PTPRR: variants seen among roughly 807,000 people sequenced by gnomAD.
The protein encoded by PTPRR is receptor-type tyrosine-protein phosphatase R.
PTPRR carries 38 observed loss-of-function variants against 77.2 expected under a neutral mutation model. That is an observed-to-expected ratio of 0.49 (90% CI 0.38 to 0.65). The LOEUF is 0.65. Among genes scored for constraint, PTPRR ranks in the 30% least tolerant of loss-of-function variants. PTPRR has a pLI of 0.00. For synonymous variants in PTPRR, 299 were observed against 283.1 expected (o/e 1.06, Z -0.57); for missense variants, 744 against 799.2 (o/e 0.93, Z 0.83).
chr12:70,694,729 G>T (rs181520071), intron 8 of PTPRR, among the ~76,000 whole-genome samples: 1 of 152,074 alleles, frequency 6.6e-6, no homozygotes, highest in Non-Finnish European at 1.5e-5. Flanking sequence ...GTGTCATGCC[G>T]TCAGAAGAAG....
At chr12:70,769,364 T>C (rs974467986) in intron 2 of PTPRR, among the ~76,000 whole-genome samples, 15 of 151,638 alleles carry the variant, frequency 9.9e-5, no homozygotes, top group South Asian at 4.2e-4. Flanking sequence ...TATACACCAA[T>C]AACAGACAAA....
intron 2 of PTPRR, among the ~76,000 whole-genome samples, chr12:70,837,493 AC>A (rs1351434017): frequency 6.6e-6 from 1 of 152,142 alleles, no homozygotes; most frequent in Non-Finnish European, 1.5e-5. Flanking sequence ...GTTGTCCTCC[AC>A]ACATCAAGCA....
chr12:70,894,285 A>T (rs2137118880), intron 1 of PTPRR, among the ~76,000 whole-genome samples: 1 of 151,858 alleles, frequency 6.6e-6, no homozygotes, highest in East Asian at 1.9e-4. Flanking sequence ...ACATGCCCAA[A>T]TTCAATAGAA....
chr12:70,834,886 G>C (rs866090833), intron 2 of PTPRR, among the ~76,000 whole-genome samples: 1 of 152,118 alleles, frequency 6.6e-6, no homozygotes, highest in South Asian at 2.1e-4. Context: ...GATGCTCAAA[G>C]TTACATTAGA....
chr12:70,883,540 A>C (rs1431664925), intron 2 of PTPRR, among the ~76,000 whole-genome samples: 1 of 152,156 alleles, frequency 6.6e-6, no homozygotes, highest in Non-Finnish European at 1.5e-5. Context: ...TTTAACCTGC[A>C]GATAATTTCT....
chr12:70,804,072 C>T (rs1447015898), intron 2 of PTPRR, among the ~76,000 whole-genome samples: 1 of 148,678 alleles, frequency 6.7e-6, no homozygotes, highest in African/African-American at 2.5e-5. Context: ...TTTGCATGAC[C>T]CTGAGAGTGA....
At position 70,639,133 on chromosome 12, in the gene PTPRR, A is replaced by G. The variant is rs376215111; in HGVS notation, c.*51T>C. 1.1e-4 allele frequency: 165 copies of G among 1,490,488 alleles called. 1 individual carries two copies. The African/African-American group carries it at 1.9e-3, about 18-fold the overall frequency. 92.3% of individuals were successfully genotyped at this position (1,490,488 alleles called of 1,614,324 possible). On this transcript the variant is annotated 3_prime_UTR_variant, in exon 14 of 14. Coordinates refer to ENST00000283228, the MANE Select transcript of PTPRR (RefSeq NM_002849.4). ...CTCCTTCTAGAAGCCTTGGGTGGGT[A>G]ATTTGATTAATCACCCCAAGAGATT...
intron 8 of PTPRR, among the ~76,000 whole-genome samples, chr12:70,694,326 T>C (rs1047250772): frequency 5.3e-5 from 8 of 152,166 alleles, no homozygotes; most frequent in African/African-American, 1.9e-4. Flanking sequence ...ATCAACACAC[T>C]GCATAAAAGA....
chr12:70,874,745 A>G (rs1323723267), intron 2 of PTPRR, among the ~76,000 whole-genome samples: 3 of 152,018 alleles, frequency 2.0e-5, no homozygotes, highest in African/African-American at 7.2e-5. Flanking sequence ...AACATGGTGA[A>G]ACCCTGTCTC....
chr12:70,909,600 T>C (rs961088536), intron 1 of PTPRR, among the ~76,000 whole-genome samples: 5 of 152,140 alleles, frequency 3.3e-5, no homozygotes, highest in Admixed American at 2.0e-4. Flanking sequence ...AACAAAACAT[T>C]AGTATAAGCA....
At chr12:70,893,320 G>T (rs1893371403) in intron 1 of PTPRR, among the ~76,000 whole-genome samples, 1 of 151,900 alleles carries the variant, frequency 6.6e-6, no homozygotes, top group Non-Finnish European at 1.5e-5. Context: ...TGTCCTATCT[G>T]CTGCTGAAAT....
intron 10 of PTPRR, chr12:70,672,589 G>A (rs892995634): frequency 2.8e-6 from 4 of 1,445,510 alleles, no homozygotes; most frequent in Non-Finnish European, 3.8e-6. Flanking sequence ...GGTGACCAAG[G>A]ACAGTGTAGC....
At chr12:70,761,147 T>C (rs943340513) in intron 4 of PTPRR, among the ~76,000 whole-genome samples, 1 of 152,168 alleles carries the variant, frequency 6.6e-6, no homozygotes, top group African/African-American at 2.4e-5. Flanking sequence ...ATTTGACATA[T>C]CAGTTTCAAG....
chr12:70,887,690 C>A (rs1893264176), intron 2 of PTPRR, among the ~76,000 whole-genome samples: 1 of 151,978 alleles, frequency 6.6e-6, no homozygotes, highest in African/African-American at 2.4e-5. Context: ...CTGATTCAGG[C>A]AGGAATAGGC....
intron 2 of PTPRR, among the ~76,000 whole-genome samples, chr12:70,883,200 G>A (rs1396186197): frequency 2.6e-5 from 4 of 152,170 alleles, no homozygotes; most frequent in Non-Finnish European, 5.9e-5. Flanking sequence ...GGTGAAGGTT[G>A]CAGTGAGCTG....
chr12:70,804,758 C>T (rs1289536184), intron 2 of PTPRR, among the ~76,000 whole-genome samples: 1 of 152,174 alleles, frequency 6.6e-6, no homozygotes, highest in African/African-American at 2.4e-5. Context: ...ACTGACTTCA[C>T]ATGCAAAGAC....
At chr12:70,885,934 C>A (rs1043318776) in intron 2 of PTPRR, among the ~76,000 whole-genome samples, 1 of 152,146 alleles carries the variant, frequency 6.6e-6, no homozygotes, top group Non-Finnish European at 1.5e-5. Flanking sequence ...AAAAATATTA[C>A]TAAGTTATTC....
intron 6 of PTPRR, among the ~76,000 whole-genome samples, chr12:70,710,062 A>G (rs963181687): frequency 2.6e-5 from 4 of 152,186 alleles, no homozygotes; most frequent in African/African-American, 9.6e-5. Flanking sequence ...TTTAAAATTC[A>G]TATGGAACCA....
Position 70,768,417 on chromosome 12 carries a change from G to A in PTPRR, c.358-3639C>T, listed in dbSNP as rs537584627. Among the ~76,000 whole-genome samples, 658 of 152,304 alleles carry A rather than the reference G, an allele frequency of 4.3e-3. 2 individuals are homozygous for A. Among genetic ancestry groups the A allele is most frequent in the Admixed American group, 8.4e-3 (128 of 15,306 alleles). On this transcript the variant is annotated intron_variant, in intron 2 of 13. Transcript: ENST00000283228. ...TAAACTAGAAAATCTAGAAGAAATG[G>A]ATAAATTCCTTGACACATGCACTTT... is the stretch of plus-strand genomic sequence containing the variant.
Sources: allele counts gnomAD v4.1 joint callset (sites outside exome capture counted in the v4.1 genomes callset), GRCh38; gene constraint gnomAD v4.1.1; transcripts MANE v1.5; gene names NCBI Gene and HGNC (gene_info 2026-07-23, HGNC 2026-07-21).